Variants in ANO2 observed in about 807,000 individuals in gnomAD.
ANO2 encodes the protein anoctamin 2.
A neutral mutation model predicts 124.2 loss-of-function variants in ANO2; 101 were observed. That is an observed-to-expected ratio of 0.81 (90% CI 0.69 to 0.96). The LOEUF (loss-of-function observed/expected upper bound fraction) is 0.96. ANO2 is among the 40% of genes least tolerant of loss of function. ANO2 has a pLI of 0.00. For synonymous variants in ANO2, 486 were observed against 482.5 expected, an observed-to-expected ratio of 1.01 and a Z score of -0.09; for missense variants, 1,293 against 1,274.5, an observed-to-expected ratio of 1.01 and a Z score of -0.22.
At chr12:5,621,364 G>A (rs189025427) in intron 16 of ANO2, among the ~76,000 whole-genome samples, 81 of 152,304 alleles carry the variant, frequency 5.3e-4, no homozygotes, top group East Asian at 1.9e-4. Flanking sequence ...ATTCCCTGTC[G>A]TATTCCAAGG....
At chr12:5,890,369 T>A (rs1158306367) in intron 3 of ANO2, among the ~76,000 whole-genome samples, 1 of 152,214 alleles carries the variant, frequency 6.6e-6, no homozygotes, top group African/African-American at 2.4e-5. Flanking sequence ...GTCCTTCTAC[T>A]CACAGCTCAG....
chr12:5,905,080 G>GGCAGTGACTGAGA (rs1246989449), intron 3 of ANO2, among the ~76,000 whole-genome samples: 2 of 152,176 alleles, frequency 1.3e-5, no homozygotes, highest in African/African-American at 4.8e-5. Context: ...GGGAGGACAC[G>GGCAGTGACTGAGA]GCAGTGACTG....
intron 1 of ANO2, among the ~76,000 whole-genome samples, chr12:5,937,314 C>T (rs912009164): frequency 2.6e-5 from 4 of 152,148 alleles, no homozygotes; most frequent in East Asian, 1.9e-4. Context: ...TGACTGGTGA[C>T]GTCGAGGACT....
intron 10 of ANO2, among the ~76,000 whole-genome samples, chr12:5,792,374 A>G (rs1168808106): frequency 6.6e-6 from 1 of 152,226 alleles, no homozygotes; most frequent in Non-Finnish European, 1.5e-5. Flanking sequence ...CCGACTTTAT[A>G]AAGACGCCTC....
intron 14 of ANO2, among the ~76,000 whole-genome samples, chr12:5,689,787 T>C (rs1372613756): frequency 6.6e-6 from 1 of 152,194 alleles, no homozygotes. Context: ...GCTTAAGATG[T>C]GGCCTTATTG....
chr12:5,922,527 C>T (rs1271674821), intron 2 of ANO2, 93 bp downstream of exon 2: 5 of 1,357,640 alleles, frequency 3.7e-6, no homozygotes, highest in Admixed American at 2.7e-5. Flanking sequence ...CACACATGTG[C>T]TCCCAACTGG....
chr12:5,806,070 G>T lies in ANO2; in HGVS notation c.972C>A (p.Asp324Glu), dbSNP rs571512821. The T allele has an allele frequency of 3.1e-6, 5 of 1,613,610 alleles. No individual in the cohort carries two copies. In the East Asian group the frequency reaches 1.1e-4, roughly 36 times the overall value. ...GGCTTACCTTCCTGTCATTCATATC[G>T]TCCTCTGGACTATCGTATTCACCCT... The part of the protein sequence containing the change: ...LHDGEYDSPE[D>E]DMNDRKLLYQ... Residue 324 changes from aspartate (D) to glutamate (E), a missense_variant, in exon 9 of 25, where the codon GAC (aspartate) becomes GAA (glutamate). Physicochemically the swap from Asp to Glu is conservative, Grantham distance 45. Coordinates refer to ENST00000682330, the MANE Select transcript of ANO2 (RefSeq NM_001364791.2).
chr12:5,926,061 G>A (rs772732565), intron 1 of ANO2, among the ~76,000 whole-genome samples: 4 of 152,128 alleles, frequency 2.6e-5, no homozygotes, highest in Admixed American at 6.5e-5. Context: ...CCAAACATAC[G>A]ATCTTCTCCA....
At chr12:5,772,767 C>A (rs752649289) in intron 10 of ANO2, among the ~76,000 whole-genome samples, 2 of 152,192 alleles carry the variant, frequency 1.3e-5, no homozygotes, top group Non-Finnish European at 2.9e-5. Flanking sequence ...CTTTACAGTA[C>A]AATATCCCCT....
chr12:5,604,022 T>A (rs989975517), intron 19 of ANO2, among the ~76,000 whole-genome samples: 1 of 150,998 alleles, frequency 6.6e-6, no homozygotes, highest in African/African-American at 2.4e-5. Context: ...ATCAAAGACC[T>A]TGTACACCAT....
chr12:5,845,333 C>T (rs968284428), intron 4 of ANO2, among the ~76,000 whole-genome samples: 7 of 151,530 alleles, frequency 4.6e-5, no homozygotes, highest in African/African-American at 1.7e-4. Context: ...TTTGGGAGGC[C>T]GAGGCAGTTG....
At chr12:5,943,405 G>T (rs1942973357) in intron 1 of ANO2, among the ~76,000 whole-genome samples, 1 of 152,012 alleles carries the variant, frequency 6.6e-6, no homozygotes, top group Non-Finnish European at 1.5e-5. Flanking sequence ...AAGTAACTCA[G>T]GAATGGGTAA....
Position 5,932,842 on chromosome 12 carries a change from C to G in ANO2, c.23-10038G>C, listed in dbSNP as rs147535342. Among the ~76,000 whole-genome samples, 880 of 152,302 alleles carry G rather than the reference C, an allele frequency of 5.8e-3. 8 individuals carry two copies. The highest frequency in any genetic ancestry group is 0.02 in the African/African-American group (831 of 41,548). On this transcript the variant is annotated intron_variant, in intron 1 of 24. Transcript: ENST00000682330. The stretch of plus-strand genomic sequence containing the variant: ...TCCATGGAAGCAGAAGCCCTCAGCT[C>G]TCCCTAGAGCTGTCAGGGAGGCTCC...
At position 5,900,938 on chromosome 12, in the gene ANO2, G is replaced by A. The variant is rs2136281173; in HGVS notation, c.534+20102C>T. Among the ~76,000 whole-genome samples, 1 of 152,278 alleles carries A rather than the reference G, an allele frequency of 6.6e-6. No individual in the cohort carries two copies. Among genetic ancestry groups the A allele is most frequent in the South Asian group, 2.1e-4 (1 of 4,822 alleles). ...ATTCCCCTGCCGGCAGCACTTTGAT[G>A]GCTTTTTGTATTCATCAATTCAGAC... On this transcript the variant is annotated intron_variant, in intron 3 of 24. Transcript: ENST00000682330. This position sits in a 1 kb window ranked among gnomAD's most constrained non-coding sequence, Gnocchi z 4.2.
intron 7 of ANO2, among the ~76,000 whole-genome samples, chr12:5,821,768 G>C (rs370468609): frequency 6.6e-6 from 1 of 152,184 alleles, no homozygotes; most frequent in African/African-American, 2.4e-5. Flanking sequence ...GGTGCCTTCT[G>C]ACCCATCTAA....
chr12:5,767,800 G>A (rs774799591), intron 10 of ANO2, among the ~76,000 whole-genome samples: 9 of 152,272 alleles, frequency 5.9e-5, no homozygotes, highest in Middle Eastern at 6.8e-3. Flanking sequence ...CCTTCTGATG[G>A]AAAAGTGGAG....
intron 23 of ANO2, among the ~76,000 whole-genome samples, chr12:5,567,834 T>C (rs2136823445): frequency 6.6e-6 from 1 of 152,370 alleles, no homozygotes; most frequent in Admixed American, 6.5e-5. Flanking sequence ...CACAGAGATC[T>C]GTTCAGAAAA....
chr12:5,705,263 A>G (rs1949564452), intron 14 of ANO2, among the ~76,000 whole-genome samples: 1 of 152,220 alleles, frequency 6.6e-6, no homozygotes. Context: ...AACATTGCTC[A>G]TCTGCTCACG....
intron 14 of ANO2, among the ~76,000 whole-genome samples, chr12:5,730,318 A>G (rs1347059952): frequency 6.6e-6 from 1 of 152,216 alleles, no homozygotes; most frequent in Non-Finnish European, 1.5e-5. Context: ...AGAAAAGCAA[A>G]CAGGCCTTGG....
Sources: allele counts gnomAD v4.1 joint callset (sites outside exome capture counted in the v4.1 genomes callset), GRCh38; gene constraint gnomAD v4.1.1; non-coding constraint Gnocchi (gnomAD v3.1); transcripts MANE v1.5; gene names NCBI Gene and HGNC (gene_info 2026-07-23, HGNC 2026-07-21).